The following PEX14 variants were observed in gnomAD, a reference collection of about 807,000 sequenced individuals.
PEX14 encodes the protein peroxisomal biogenesis factor 14.
A neutral mutation model predicts 49.5 loss-of-function variants in PEX14; 15 were observed. The observed-to-expected ratio is 0.30, with a 90% confidence interval of 0.20 to 0.47. The LOEUF (loss-of-function observed/expected upper bound fraction) is 0.47, where lower values mean the gene tolerates loss of function less well. PEX14 is among the 20% of genes least tolerant of loss of function. The pLI is 1.00. For synonymous variants in PEX14, 210 were observed against 212.7 expected, an observed-to-expected ratio of 0.99 and a Z score of 0.11; for missense variants, 398 against 494.8, an observed-to-expected ratio of 0.80 and a Z score of 1.86.
In PEX14 at chr1:10,585,967, A is replaced by T. The variant is rs114960920; in HGVS notation, c.170-13271A>T. ...AATAAAATGGTCAATCACCAACAAG[A>T]TGAACATTTCAAAATAGTTACACAC... On this transcript the variant is annotated intron_variant, in intron 3 of 8. Coordinates refer to ENST00000356607, the MANE Select transcript of PEX14 (RefSeq NM_004565.3). 4.5e-3 allele frequency among the ~76,000 whole-genome samples: 684 copies of T among 152,360 alleles called. 8 individuals are homozygous for T. Among genetic ancestry groups the T allele is most frequent in the African/African-American group, 0.016 (655 of 41,582 alleles).
intron 4 of PEX14, among the ~76,000 whole-genome samples, chr1:10,601,303 TA>T (rs1640979681): frequency 2.0e-5 from 3 of 151,312 alleles, no homozygotes; most frequent in Non-Finnish European, 2.9e-5. Flanking sequence ...TATCAGATTT[TA>T]AAAGGCATAT....
chr1:10,509,238 G>A (rs576283426), intron 2 of PEX14, among the ~76,000 whole-genome samples: 5 of 151,830 alleles, frequency 3.3e-5, no homozygotes, highest in Admixed American at 3.3e-4. Flanking sequence ...GTGAGCCACC[G>A]CGCCCGGCAA....
chr1:10,560,809 C>G (rs1639631284), intron 3 of PEX14, among the ~76,000 whole-genome samples: 1 of 151,310 alleles, frequency 6.6e-6, no homozygotes, highest in South Asian at 2.1e-4. Context: ...CCTCTGCCTC[C>G]CAGGTTCAAG....
intron 2 of PEX14, chr1:10,535,976 T>A: frequency 2.0e-6 from 1 of 499,478 alleles, no homozygotes; most frequent in Non-Finnish European, 3.7e-6. Flanking sequence ...GTCGCAGGCC[T>A]GAAGCTCGGC....
At chr1:10,565,888 C>T (rs975265645) in intron 3 of PEX14, among the ~76,000 whole-genome samples, 1 of 152,142 alleles carries the variant, frequency 6.6e-6, no homozygotes, top group African/African-American at 2.4e-5. Context: ...GCCTGTAGTC[C>T]CAGCTACTTG....
At chr1:10,517,823 C>T (rs1179900686) in intron 2 of PEX14, among the ~76,000 whole-genome samples, 2 of 151,652 alleles carry the variant, frequency 1.3e-5, no homozygotes, top group Admixed American at 6.6e-5. Flanking sequence ...CATCTTTGGG[C>T]CTTAGGGATT....
intron 1 of PEX14, among the ~76,000 whole-genome samples, chr1:10,483,532 G>A (rs1440634922): frequency 1.3e-5 from 2 of 151,800 alleles, no homozygotes; most frequent in Non-Finnish European, 2.9e-5. Flanking sequence ...GGCCAGGATG[G>A]TCTCAATCTC....
In PEX14 at chr1:10,571,373, G is replaced by A. The variant is rs140834020; in HGVS notation, c.170-27865G>A. 1.4e-4 allele frequency among the ~76,000 whole-genome samples: 22 copies of A among 151,940 alleles called. No homozygotes were observed. In the East Asian group the frequency reaches 4.1e-3, roughly 28 times the overall value. On this transcript the variant is annotated intron_variant, in intron 3 of 8. Transcript: ENST00000356607. ...AGAATGTCATATGGTATTTACCAGGGGGTGGGGGTGGGATATAGGGTTTTC... is the reference window on the plus strand; with the variant it reads ...AGAATGTCATATGGTATTTACCAGGAGGTGGGGGTGGGATATAGGGTTTTC...
chr1:10,618,465 G>C, intron 5 of PEX14, 48 bp downstream of exon 5: 1 of 1,400,868 alleles, frequency 7.1e-7, no homozygotes, highest in East Asian at 2.3e-5. Flanking sequence ...GCCACCCTGT[G>C]GCATTCAGCA....
At chr1:10,607,926 C>G (rs1641169913) in intron 4 of PEX14, among the ~76,000 whole-genome samples, 1 of 152,012 alleles carries the variant, frequency 6.6e-6, no homozygotes, top group South Asian at 2.1e-4. Context: ...GGTTTTGCAT[C>G]CTAAAGAAGA....
At chr1:10,488,431 A>G (rs1278215714) in intron 1 of PEX14, among the ~76,000 whole-genome samples, 1 of 152,226 alleles carries the variant, frequency 6.6e-6, no homozygotes, top group Non-Finnish European at 1.5e-5. Flanking sequence ...TGCTGGGATT[A>G]CAGGCGTGAG....
intron 3 of PEX14, among the ~76,000 whole-genome samples, chr1:10,590,534 A>G (rs925118277): frequency 3.9e-5 from 6 of 152,212 alleles, no homozygotes; most frequent in African/African-American, 1.2e-4. Flanking sequence ...AACTCATTCA[A>G]CGTAAGAAAC....
chr1:10,535,553 C>T (rs909924386), intron 2 of PEX14, among the ~76,000 whole-genome samples: 6 of 152,202 alleles, frequency 3.9e-5, no homozygotes, highest in Non-Finnish European at 7.3e-5. Flanking sequence ...AACACTTTGC[C>T]AGGCTCTGGA....
At chr1:10,508,292 C>T (rs985515512) in intron 2 of PEX14, among the ~76,000 whole-genome samples, 32 of 152,052 alleles carry the variant, frequency 2.1e-4, no homozygotes, top group Non-Finnish European at 4.4e-4. Flanking sequence ...CTGCAAGCTC[C>T]GCCTCCCGGA....
In PEX14 at chr1:10,494,048, C is replaced by A. The variant is rs1346554254; in HGVS notation, c.37-1226C>A. Among the ~76,000 whole-genome samples, 1 of 152,186 alleles carries A rather than the reference C, an allele frequency of 6.6e-6. No homozygotes were observed. The highest frequency in any genetic ancestry group is 1.5e-5 in the Non-Finnish European group (1 of 68,034). ...GGCAGGGAGGCAGGGGAAGCTTGCT[C>A]ACATTCCCTGAGACGGACCCTCACT... On this transcript the variant is annotated intron_variant, in intron 1 of 8. Coordinates refer to ENST00000356607, the MANE Select transcript of PEX14 (RefSeq NM_004565.3). This position sits in a 1 kb window ranked among gnomAD's most constrained non-coding sequence, Gnocchi z 4.3.
In PEX14 at chr1:10,510,385, T is replaced by C. The variant is rs531988654; in HGVS notation, c.84+15064T>C. ...CAGCAGGTTTCTGTGCATTTTTGTC[T>C]GGTGTGTCCAAGTAAAGGCAAGTCT... On this transcript the variant is annotated intron_variant, in intron 2 of 8. Coordinates refer to ENST00000356607, the MANE Select transcript of PEX14 (RefSeq NM_004565.3). Among the ~76,000 whole-genome samples the C allele has an allele frequency of 3.9e-5, 6 of 152,374 alleles. No homozygotes were observed. In the South Asian group the frequency reaches 1.2e-3, roughly 32 times the overall value.
rs1557442698 is a variant in PEX14, at chr1:10,629,798, CGAG to C, written c.952_954del (p.Glu318del). 7.0e-6 allele frequency: 11 copies of C among 1,580,814 alleles called. No homozygotes were observed. The highest frequency in any genetic ancestry group is 1.1e-5 in the South Asian group (1 of 88,850). ...GCCAGGTGCGGATGGAGGTGCAAGG[CGAG>C]GAGGAGAAGAGGGAGGACAAGGAGG... On this transcript the variant is annotated inframe_deletion, in exon 9 of 9. Transcript: ENST00000356607. The surrounding 1 kb of genome is among the most constrained non-coding windows in gnomAD (Gnocchi z 8.5).
At chr1:10,547,409 G>C (rs1323496277) in intron 3 of PEX14, among the ~76,000 whole-genome samples, 2 of 152,168 alleles carry the variant, frequency 1.3e-5, no homozygotes, top group Non-Finnish European at 2.9e-5. Flanking sequence ...AACTCTAGCT[G>C]CCATGGAGGG....
At chr1:10,588,700 C>T (rs1640572231) in intron 3 of PEX14, among the ~76,000 whole-genome samples, 1 of 152,158 alleles carries the variant, frequency 6.6e-6, no homozygotes, top group African/African-American at 2.4e-5. Context: ...GATCGATGGT[C>T]ATGGTATCCA....
Sources: gnomAD v4.1 joint callset for allele counts (sites outside exome capture counted in the v4.1 genomes callset) on GRCh38, gnomAD v4.1.1 for gene constraint, Gnocchi (gnomAD v3.1) non-coding constraint, MANE v1.5 for transcripts, NCBI Gene and HGNC (gene_info 2026-07-23, HGNC 2026-07-21) for gene names.